Variants in PPP2R3B observed in about 807,000 individuals in gnomAD.
The protein encoded by PPP2R3B is protein phosphatase 2 regulatory subunit B''beta.
In PPP2R3B, 68 loss-of-function variants were observed where a neutral mutation model predicts 72.9. That is an observed-to-expected ratio of 0.93 (90% confidence interval 0.77 to 1.14). The LOEUF is 1.14. Ranked by LOEUF, PPP2R3B falls within the 50% of genes most tolerant of loss-of-function variation. The pLI is 0.00. For synonymous variants in PPP2R3B, 466 were observed against 375.8 expected (o/e 1.24, Z -2.78); for missense variants, 1,018 against 842.0 (o/e 1.21, Z -2.59).
At position 338,788 on chromosome X, in the gene PPP2R3B, G is replaced by A. The variant is rs759881522; in HGVS notation, c.1460C>T (p.Ser487Phe). 2.5e-6 allele frequency: 4 copies of A among 1,612,292 alleles called. No individual in the cohort carries two copies. The highest frequency in any genetic ancestry group is 1.7e-5 in the Admixed American group (1 of 60,016). ...YLDHEQKEQI[S>F]LLRDGDSGGP... The stretch of plus-strand genomic sequence containing the variant: ...GCCCGCCGCACTCACCCTGAGCAGG[G>A]AGATCTGCTCTTTCTGCTCGTGGTC... Residue 487 changes from serine (S) to phenylalanine (F), a missense_variant, in exon 11 of 13, where the codon TCC becomes TTC. Transcript: ENST00000390665.
rs189234513 is a variant in PPP2R3B, at chrX:371,390, C to T, written c.325-9800G>A. ...CGGCGGTCGCTGAACGCCCCCACCC[C>T]CCGAGTTTGGTTTGTCAAGGATGCC... On this transcript the variant is annotated intron_variant, in intron 1 of 12. Coordinates refer to ENST00000390665, the MANE Select transcript of PPP2R3B (RefSeq NM_013239.5). 5.0e-3 allele frequency among the ~76,000 whole-genome samples: 763 copies of T among 152,278 alleles called. 11 individuals carry two copies. The highest frequency in any genetic ancestry group is 0.018 in the African/African-American group (730 of 41,556).
intron 1 of PPP2R3B, among the ~76,000 whole-genome samples, chrX:367,782 C>T (rs761276902): frequency 6.6e-6 from 1 of 152,318 alleles, no homozygotes; most frequent in South Asian, 2.1e-4. Flanking sequence ...CATTCACGTA[C>T]ATGGGAGACA....
At chrX:335,904 A>G (rs6645090) in intron 12 of PPP2R3B, 127,184 of 152,026 alleles carry the variant, frequency 0.84, 53,306 homozygotes, top group East Asian at 0.91. Flanking sequence ...AGGGGCTCAC[A>G]CCTGTAATTC....
intron 1 of PPP2R3B, among the ~76,000 whole-genome samples, chrX:375,601 G>A (rs1196759420): frequency 6.6e-6 from 1 of 152,098 alleles, no homozygotes; most frequent in Non-Finnish European, 1.5e-5. Flanking sequence ...CACCCACGAT[G>A]TGGGGCGCAA....
intron 2 of PPP2R3B, among the ~76,000 whole-genome samples, chrX:352,006 C>G (rs1421256590): frequency 2.0e-5 from 3 of 152,192 alleles, no homozygotes; most frequent in Non-Finnish European, 4.4e-5. Flanking sequence ...GCTGCACCCC[C>G]GGCGTCTGGG....
chrX:341,495 CGGG>C (rs368812435), intron 8 of PPP2R3B, 99 bp from the exon 9 acceptor site: 342 of 1,299,698 alleles, frequency 2.6e-4, no homozygotes, highest in Middle Eastern at 5.7e-4. Flanking sequence ...GGGAGCCCCC[CGGG>C]CCCGGCCCTC....
intron 1 of PPP2R3B, among the ~76,000 whole-genome samples, chrX:385,694 G>A (rs1348356949): frequency 2.0e-5 from 3 of 152,192 alleles, no homozygotes; most frequent in Non-Finnish European, 4.4e-5. Context: ...CCAGCTACTG[G>A]GGAGGCTGAG....
At chrX:341,496 G>A (rs867227347) in intron 8 of PPP2R3B, 100 bp from the exon 9 acceptor site, 30 of 938,656 alleles carry the variant, frequency 3.2e-5, no homozygotes, top group East Asian at 3.2e-4. Context: ...GGAGCCCCCC[G>A]GGCCCGGCCC....
chrX:382,912 G>A (rs997053194), intron 1 of PPP2R3B, among the ~76,000 whole-genome samples: 8 of 152,118 alleles, frequency 5.3e-5, no homozygotes, highest in African/African-American at 1.9e-4. Flanking sequence ...AGTCATGGAG[G>A]GGAACCATCA....
chrX:351,566 G>C (rs1312647396), intron 2 of PPP2R3B, among the ~76,000 whole-genome samples: 61 of 147,282 alleles, frequency 4.1e-4, no homozygotes, highest in Non-Finnish European at 6.0e-5. Context: ...TTCGAGACAC[G>C]GTCTTGCTGT....
In PPP2R3B at chrX:386,570, G is replaced by C. The variant is rs1399998566; in HGVS notation, c.122C>G (p.Ala41Gly). 6.2e-6 allele frequency: 9 copies of C among 1,443,138 alleles called. No homozygotes were observed. 89.4% of individuals were successfully genotyped at this position (1,443,138 alleles called of 1,614,324 possible). ...MLQDCLRRIK[A>G]PGRDQPTPGD... ...CGGGGTCGGCTGGTCCCGCCCGGGC[G>C]CCTTGATCCGGCGCAGGCAGTCCTG... Residue 41 changes from alanine (A) to glycine (G), a missense_variant, in exon 1 of 13, where the codon GCG becomes GGG. Coordinates refer to ENST00000390665, the MANE Select transcript of PPP2R3B (RefSeq NM_013239.5).
At chrX:366,807 G>A (rs1483491364) in intron 1 of PPP2R3B, among the ~76,000 whole-genome samples, 1 of 124,962 alleles carries the variant, frequency 8.0e-6, no homozygotes, top group Admixed American at 8.1e-5. Context: ...AGGTTGCAGT[G>A]AGCTGAGATC....
intron 7 of PPP2R3B, 77 bp from the exon 8 acceptor site, chrX:342,008 G>C: frequency 6.4e-7 from 1 of 1,565,562 alleles, no homozygotes; most frequent in African/African-American, 1.4e-5. Context: ...AGCCGAGACT[G>C]GATGCGGTGG....
chrX:378,515 G>C (rs1188075800), intron 1 of PPP2R3B, among the ~76,000 whole-genome samples: 5 of 152,324 alleles, frequency 3.3e-5, no homozygotes, highest in African/African-American at 1.2e-4. Flanking sequence ...TAACAGGCAA[G>C]CCTATGAGAC....
At position 379,198 on chromosome X, in the gene PPP2R3B, C is replaced by CACCT. The variant is rs751927486; in HGVS notation, c.324+7169_324+7170insAGGT. On this transcript the variant is annotated intron_variant, in intron 1 of 12. Transcript: ENST00000390665. ...GTATGGACCTATGTATGTGTGTATG[C>CACCT]GTGTGTATGCACCTGTGTATGCACC... Among the ~76,000 whole-genome samples, 76 of 133,128 alleles carry CACCT rather than the reference C, an allele frequency of 5.7e-4. No homozygotes were observed. The East Asian group carries it at 0.012, about 21-fold the overall frequency. The allele number at this position is 133,128 out of a possible 152,430, so 87.3% of individuals were successfully genotyped here.
intron 1 of PPP2R3B, among the ~76,000 whole-genome samples, chrX:363,248 C>A (rs1169729487): frequency 7.3e-6 from 1 of 137,784 alleles, no homozygotes; most frequent in Non-Finnish European, 1.5e-5. Context: ...TGCATCTCCC[C>A]GAGCCCATGA....
chrX:344,259 G>C (rs539770138), intron 7 of PPP2R3B, among the ~76,000 whole-genome samples: 457 of 32,726 alleles, frequency 0.014, 54 homozygotes, highest in South Asian at 0.037. Context: ...ACCTCACCAA[G>C]GAGAGGCGGG....
chrX:383,554 G>A (rs1367770360), intron 1 of PPP2R3B, among the ~76,000 whole-genome samples: 1 of 152,040 alleles, frequency 6.6e-6, no homozygotes, highest in African/African-American at 2.4e-5. Flanking sequence ...ATACACGGCT[G>A]TCGGCGGGCA....
At chrX:345,109 C>T (rs1259843655) in intron 7 of PPP2R3B, 2 of 477,612 alleles carry the variant, frequency 4.2e-6, no homozygotes, top group African/African-American at 3.9e-5. Flanking sequence ...CCTGGGGCTC[C>T]ACCTAGCCCG....
Sources: allele counts gnomAD v4.1 joint callset (sites outside exome capture counted in the v4.1 genomes callset), GRCh38; gene constraint gnomAD v4.1.1; transcripts MANE v1.5; gene names NCBI Gene and HGNC (gene_info 2026-07-23, HGNC 2026-07-21).